The following DCLK1 variants were observed in gnomAD, a reference collection of about 807,000 sequenced individuals.
DCLK1 encodes the protein doublecortin like kinase 1.
DCLK1 carries 16 observed loss-of-function variants against 86.2 expected under a neutral mutation model. The ratio of observed to expected loss-of-function variants is 0.19; its 90% CI spans 0.13 to 0.28. The LOEUF is 0.28. Among genes scored for constraint, DCLK1 ranks in the 10% least tolerant of loss-of-function variants. DCLK1 has a pLI of 1.00. For missense variants in DCLK1, 590 were observed against 940.2 expected, an observed-to-expected ratio of 0.63 and a Z score of 4.87; for synonymous variants, 369 against 370.5, an observed-to-expected ratio of 1.00 and a Z score of 0.05.
intron 5 of DCLK1, among the ~76,000 whole-genome samples, chr13:35,857,728 C>T (rs1053677076): frequency 6.6e-6 from 1 of 152,224 alleles, no homozygotes; most frequent in Non-Finnish European, 1.5e-5. Context: ...AGTTGGCCTA[C>T]GCCCTTCACA....
At chr13:36,108,163 T>C (rs1400704786) in intron 3 of DCLK1, among the ~76,000 whole-genome samples, 1 of 152,052 alleles carries the variant, frequency 6.6e-6, no homozygotes. Context: ...ACTGATGACC[T>C]GGTGAGCAGT....
At chr13:36,030,746 C>T (rs541213436) in intron 3 of DCLK1, among the ~76,000 whole-genome samples, 1 of 152,110 alleles carries the variant, frequency 6.6e-6, no homozygotes, top group East Asian at 1.9e-4. Context: ...GAAAAGTTAT[C>T]GATATAGGGC....
chr13:36,027,130 AC>A (rs1289077188), intron 3 of DCLK1, among the ~76,000 whole-genome samples: 1 of 152,144 alleles, frequency 6.6e-6, no homozygotes, highest in Non-Finnish European at 1.5e-5. Flanking sequence ...GCAGTCCCCA[AC>A]CTTTTTGGAA....
At chr13:35,850,028 A>G (rs1244092048) in intron 6 of DCLK1, 3 of 975,886 alleles carry the variant, frequency 3.1e-6, no homozygotes, top group African/African-American at 3.5e-5. Flanking sequence ...AATAACTTTA[A>G]AAAATAAAAT....
intron 3 of DCLK1, among the ~76,000 whole-genome samples, chr13:35,973,306 C>T (rs186406576): frequency 2.3e-4 from 35 of 152,286 alleles, no homozygotes; most frequent in African/African-American, 7.2e-4. Flanking sequence ...GGATCCCAGG[C>T]CTCCTGCTTA....
At chr13:36,068,885 C>T (rs9575231) in intron 3 of DCLK1, among the ~76,000 whole-genome samples, 9,231 of 152,178 alleles carry the variant, frequency 0.061, 341 homozygotes, top group East Asian at 0.12. Context: ...GAGTTGAAAA[C>T]TCCAGGTTAC....
intron 8 of DCLK1, among the ~76,000 whole-genome samples, chr13:35,833,994 A>G (rs1869163724): frequency 6.6e-6 from 1 of 152,198 alleles, no homozygotes; most frequent in African/African-American, 2.4e-5. Flanking sequence ...GAAATGGGAA[A>G]TTTCTATTGT....
chr13:36,006,841 C>G (rs1880988630), intron 3 of DCLK1, among the ~76,000 whole-genome samples: 1 of 152,188 alleles, frequency 6.6e-6, no homozygotes, highest in Non-Finnish European at 1.5e-5. Context: ...GTTTCCCCAT[C>G]TGTAAGGTGG....
intron 11 of DCLK1, among the ~76,000 whole-genome samples, chr13:35,816,419 C>T (rs961725739): frequency 1.3e-5 from 2 of 152,124 alleles, no homozygotes; most frequent in Non-Finnish European, 2.9e-5. Flanking sequence ...TATACAATTA[C>T]TCTCAGTGGC....
Position 35,898,403 on chromosome 13 carries a change from T to C in DCLK1, c.824-27063A>G, listed in dbSNP as rs1874132950. Among the ~76,000 whole-genome samples, 3 of 152,366 alleles carry C rather than the reference T, an allele frequency of 2.0e-5. No homozygotes were observed. The South Asian group carries it at 6.2e-4, about 32-fold the overall frequency. ...GAAGTCTTGCAAGTATGCATTTAAATGGAAATGTCTGAAAAACTTGCTTTT... is the reference window on the plus strand; with the variant it reads ...GAAGTCTTGCAAGTATGCATTTAAACGGAAATGTCTGAAAAACTTGCTTTT... On this transcript the variant is annotated intron_variant, in intron 4 of 16. Transcript: ENST00000360631.
chr13:36,076,848 T>C (rs1440598866), intron 3 of DCLK1, among the ~76,000 whole-genome samples: 1 of 152,214 alleles, frequency 6.6e-6, no homozygotes, highest in African/African-American at 2.4e-5. Context: ...AAGATGGACA[T>C]TCTGTCCAAA....
At chr13:35,959,823 T>G (rs1878354341) in intron 3 of DCLK1, among the ~76,000 whole-genome samples, 1 of 150,658 alleles carries the variant, frequency 6.6e-6, no homozygotes, top group African/African-American at 2.4e-5. Context: ...TCCTAGAAAT[T>G]AGAGCTCATG....
At position 35,894,936 on chromosome 13, in the gene DCLK1, C is replaced by T. The variant is rs73518642; in HGVS notation, c.824-23596G>A. On this transcript the variant is annotated intron_variant, in intron 4 of 16. Transcript: ENST00000360631. ...ACAAAGATAATCATATTCAAGTAGA[C>T]TTTGATGCACACTTTCCTTTTTCTT... 4.4e-3 allele frequency among the ~76,000 whole-genome samples: 670 copies of T among 152,264 alleles called. 7 individuals carry two copies. Among genetic ancestry groups the T allele is most frequent in the African/African-American group, 0.015 (630 of 41,558 alleles).
At chr13:35,848,285 A>G (rs994304513) in intron 6 of DCLK1, 3 of 984,662 alleles carry the variant, frequency 3.0e-6, no homozygotes. Context: ...CTGTTCCACC[A>G]ATGAACTGAA....
chr13:36,041,871 T>C (rs1882713102), intron 3 of DCLK1, among the ~76,000 whole-genome samples: 2 of 152,222 alleles, frequency 1.3e-5, no homozygotes, highest in Non-Finnish European at 1.5e-5. Context: ...ATGATATCTT[T>C]AACAATTATG....
At chr13:35,828,800 C>T (rs997944995) in intron 8 of DCLK1, among the ~76,000 whole-genome samples, 2 of 152,164 alleles carry the variant, frequency 1.3e-5, no homozygotes, top group African/African-American at 4.8e-5. Flanking sequence ...CGCCCTTCCC[C>T]TTTCCTCAAG....
chr13:35,845,970 T>A (rs1408904326), intron 6 of DCLK1: 1 of 985,230 alleles, frequency 1.0e-6, no homozygotes, highest in Non-Finnish European at 1.2e-6. Context: ...TCAAGAGGAA[T>A]AACATGGTCC....
intron 11 of DCLK1, among the ~76,000 whole-genome samples, chr13:35,815,749 G>A (rs1301395983): frequency 6.6e-6 from 1 of 152,004 alleles, no homozygotes; most frequent in African/African-American, 2.4e-5. Context: ...TTTAAGCAGG[G>A]AGTTATTTTA....
At chr13:35,796,526 C>CGA (rs755919410) in intron 15 of DCLK1, among the ~76,000 whole-genome samples, 27 of 152,240 alleles carry the variant, frequency 1.8e-4, no homozygotes, top group Non-Finnish European at 3.7e-4. Flanking sequence ...TAGAAGAGCA[C>CGA]GGCAGGGCGA....
Sources: gnomAD v4.1 joint callset for allele counts (sites outside exome capture counted in the v4.1 genomes callset) on GRCh38, gnomAD v4.1.1 for gene constraint, MANE v1.5 for transcripts, NCBI Gene and HGNC (gene_info 2026-07-23, HGNC 2026-07-21) for gene names.